The following STOM variants were observed in gnomAD, a reference collection of about 807,000 sequenced individuals.
The protein encoded by STOM is stomatin.
Under a neutral mutation model 30.6 loss-of-function variants are expected in STOM, and 25 were observed. That is an observed-to-expected ratio of 0.82 (90% CI 0.60 to 1.14). STOM has a LOEUF of 1.14. Among genes scored for constraint, STOM ranks in the 50% most tolerant of loss-of-function variants. The pLI is 0.00. For missense variants in STOM, 292 were observed against 365.2 expected (o/e 0.80, Z 1.63); for synonymous variants, 118 against 130.8 (o/e 0.90, Z 0.67).
At chr9:121,349,419 C>A (rs181488435) in intron 4 of STOM, 96 bp from the exon 5 acceptor site, 190 of 1,058,386 alleles carry the variant, frequency 1.8e-4, no homozygotes, top group Non-Finnish European at 2.5e-4. Context: ...ATAACACTAG[C>A]TGATTTTCTT....
chr9:121,342,782 A>T (rs148433235), intron 6 of STOM, among the ~76,000 whole-genome samples: 115 of 152,358 alleles, frequency 7.5e-4, no homozygotes, highest in African/African-American at 2.6e-3. Context: ...AAATTTTTAC[A>T]TGCCGATTTA....
rs906438587 is a variant in STOM at position 121,348,227 on chromosome 9, T to C, written c.526-78A>G. Reference sequence around the variant, plus strand: ...GACAGAGGCTGTATTCATTGGGATTTGGAGGAGATAAGGTGCTGGGGAGAG... The same window carrying C: ...GACAGAGGCTGTATTCATTGGGATTCGGAGGAGATAAGGTGCTGGGGAGAG... On this transcript the variant is annotated intron_variant, in intron 5 of 6. Transcript: ENST00000286713. 3 of 1,599,730 alleles carry C rather than the reference T, an allele frequency of 1.9e-6. No individual in the cohort carries two copies. In the African/African-American group the frequency reaches 4.0e-5, roughly 21 times the overall value.
rs1269047832 is a variant in STOM, at chr9:121,370,190, T to C, written c.-3A>G. On this transcript the variant is annotated 5_prime_UTR_variant, in exon 1 of 7. Coordinates refer to ENST00000286713, the MANE Select transcript of STOM (RefSeq NM_004099.6). ...CGTGTGTGCCGCTTCTCGGCCATGC[T>C]GCCCGAGACGCAGTCGCACTCCCCC... The C allele has an allele frequency of 1.3e-6, 2 of 1,547,442 alleles. No homozygotes were observed. The highest frequency in any genetic ancestry group is 2.4e-5 in the East Asian group (1 of 40,882).
chr9:121,363,242 A>G (rs17086), intron 1 of STOM, among the ~76,000 whole-genome samples: 63,358 of 152,084 alleles, frequency 0.42, 13,575 homozygotes, highest in African/African-American at 0.5. Context: ...TCCTGCCTGG[A>G]TGGGGCAAGA....
At chr9:121,341,495 G>A in intron 6 of STOM, 87 bp from the exon 7 acceptor site, 1 of 1,560,994 alleles carries the variant, frequency 6.4e-7, no homozygotes, top group Non-Finnish European at 8.7e-7. Context: ...GTATACCTCA[G>A]GTGGTCCACA....
chr9:121,366,475 T>C (rs553588170), intron 1 of STOM, among the ~76,000 whole-genome samples: 32 of 152,166 alleles, frequency 2.1e-4, no homozygotes, highest in Non-Finnish European at 3.5e-4. Flanking sequence ...GGACAATATA[T>C]TATCTTGGCA....
chr9:121,354,551 TA>T (rs1449776212), intron 3 of STOM, 49 bp downstream of exon 3: 1 of 1,453,834 alleles, frequency 6.9e-7, no homozygotes, highest in East Asian at 2.3e-5. Context: ...ATAAAAAAAA[TA>T]AAAAGAACTT....
At chr9:121,366,150 T>C (rs2064501094) in intron 1 of STOM, 1 of 985,374 alleles carries the variant, frequency 1.0e-6, no homozygotes, top group South Asian at 4.7e-5. Flanking sequence ...ACAAGTTCAG[T>C]ATAGTTTTCA....
intron 1 of STOM, among the ~76,000 whole-genome samples, chr9:121,361,258 C>T (rs2064448018): frequency 6.6e-6 from 1 of 151,932 alleles, no homozygotes; most frequent in Admixed American, 6.6e-5. Flanking sequence ...TTCTCACTCA[C>T]TAAAATCTCA....
chr9:121,358,912 G>A (rs910944157), intron 1 of STOM, among the ~76,000 whole-genome samples: 1 of 152,044 alleles, frequency 6.6e-6, no homozygotes. Context: ...TGGTGTGCAC[G>A]GCTATCATTC....
At position 121,356,156 on chromosome 9, in the gene STOM, T is replaced by C. The variant is rs772615715; in HGVS notation, c.62A>G (p.Asp21Gly). 3.1e-6 allele frequency: 5 copies of C among 1,613,332 alleles called. No individual in the cohort carries two copies. Among genetic ancestry groups the C allele is most frequent in the Middle Eastern group, 1.7e-4 (1 of 6,060 alleles). ...AGGTCCAAGGCCCTTACTGGGGCTG[T>C]CTGTTGAAAACAAAAAATATACAAC... ...EAQRLPDSFKDSPSKGLGPCG... is the reference protein window; with the variant it reads ...EAQRLPDSFKGSPSKGLGPCG... The change falls in exon 2 of 7, where the codon GAC (aspartate) becomes GGC (glycine). Residue 21 changes from aspartate (D) to glycine (G), a missense_variant and splice_region_variant. Coordinates refer to ENST00000286713, the MANE Select transcript of STOM (RefSeq NM_004099.6).
chr9:121,354,630 C>T lies in STOM; in HGVS notation c.209G>A (p.Arg70His), dbSNP rs115867734. Residue 70 changes from arginine to histidine, a missense_variant, in exon 3 of 7, where the codon CGC (arginine) becomes CAC (histidine). Physicochemically the swap from Arg to His is conservative, Grantham distance 29 (BLOSUM62 0). Coordinates refer to ENST00000286713, the MANE Select transcript of STOM (RefSeq NM_004099.6). ...TCCTTTGGCTCCTCCTTGTAAAATG[C>T]GACCCAATCTAAAGATGATGGCTCT... is the stretch of plus-strand genomic sequence containing the variant. Reference protein sequence around the residue: ...YERAIIFRLGRILQGGAKGPG... With the variant: ...YERAIIFRLGHILQGGAKGPG... The T allele has an allele frequency of 2.7e-4, 438 of 1,612,188 alleles. No individual in the cohort carries two copies. In the East Asian group the frequency reaches 5.9e-3, roughly 22 times the overall value.
At chr9:121,368,385 G>A (rs552429631) in intron 1 of STOM, among the ~76,000 whole-genome samples, 52 of 152,286 alleles carry the variant, frequency 3.4e-4, no homozygotes, top group African/African-American at 1.2e-3. Context: ...TTTCCCACCA[G>A]GAGGTCAGGG....
At chr9:121,347,910 T>G in intron 6 of STOM, 105 bp downstream of exon 6, 1 of 1,391,130 alleles carries the variant, frequency 7.2e-7, no homozygotes, top group South Asian at 1.5e-5. Context: ...CTTTACCACT[T>G]CAAGATTATT....
At chr9:121,347,103 A>C (rs1209846922) in intron 6 of STOM, among the ~76,000 whole-genome samples, 2 of 152,170 alleles carry the variant, frequency 1.3e-5, no homozygotes, top group Admixed American at 6.5e-5. Context: ...GTGAATGTGG[A>C]ATTAGGGCTG....
In STOM at chr9:121,339,854, G is replaced by A; in HGVS notation, c.*1348C>T. On this transcript the variant is annotated 3_prime_UTR_variant, in exon 7 of 7. Coordinates refer to ENST00000286713, the MANE Select transcript of STOM (RefSeq NM_004099.6). The stretch of plus-strand genomic sequence containing the variant: ...AAAGACCTACATCTATATAGATATT[G>A]TAAGTTTGACAGTATCTGCCCAAGA... The A allele has an allele frequency of 1.7e-6, 2 of 1,171,482 alleles. No homozygotes were observed. Among genetic ancestry groups the A allele is most frequent in the Non-Finnish European group, 1.1e-6 (1 of 950,546 alleles). 72.6% of individuals were successfully genotyped at this position (1,171,482 alleles called of 1,614,324 possible). A position where few individuals can be genotyped will look rare whatever the true frequency, so the allele number is the denominator to read the frequency against.
Position 121,356,091 on chromosome 9 carries a change from C to A in STOM, c.127G>T (p.Val43Phe), listed in dbSNP as rs568321675. 6.2e-7 allele frequency: 1 copy of A among 1,614,030 alleles called. No homozygotes were observed. ...CATATTGAGATTGGGAAAGTTATAA[C>A]GGTGAATAAGAATGAGAACGCCACC... ...ILVAFSFLFT[V>F]ITFPISIWMC... Residue 43 changes from valine to phenylalanine, a missense_variant, in exon 2 of 7, where the codon GTT (valine) becomes TTT (phenylalanine). Coordinates refer to ENST00000286713, the MANE Select transcript of STOM (RefSeq NM_004099.6).
chr9:121,366,495 C>A (rs2064504969), intron 1 of STOM, among the ~76,000 whole-genome samples: 1 of 151,930 alleles, frequency 6.6e-6, no homozygotes, highest in Non-Finnish European at 1.5e-5. Context: ...AATTATAATC[C>A]TTTTATTGAT....
chr9:121,370,197 G>A lies in STOM; in HGVS notation c.-10C>T, dbSNP rs1180493498. 6.5e-7 allele frequency: 1 copy of A among 1,546,960 alleles called. No homozygotes were observed. Among genetic ancestry groups the A allele is most frequent in the Non-Finnish European group, 8.7e-7 (1 of 1,145,792 alleles). ...GCCGCTTCTCGGCCATGCTGCCCGA[G>A]ACGCAGTCGCACTCCCCCGTCCTCG... On this transcript the variant is annotated 5_prime_UTR_variant, in exon 1 of 7. Coordinates refer to ENST00000286713, the MANE Select transcript of STOM (RefSeq NM_004099.6).
Sources: allele counts gnomAD v4.1 joint callset (sites outside exome capture counted in the v4.1 genomes callset), GRCh38; gene constraint gnomAD v4.1.1; transcripts MANE v1.5; gene names NCBI Gene and HGNC (gene_info 2026-07-23, HGNC 2026-07-21).